DNAAF4: variants seen among roughly 807,000 people sequenced by gnomAD.
The protein encoded by DNAAF4 is dynein axonemal assembly factor 4, also known as dynein assembly factor 4, axonemal.
In DNAAF4, 43 loss-of-function variants were observed where a neutral mutation model predicts 51.8. The observed-to-expected ratio is 0.83, with a 90% CI of 0.65 to 1.07. DNAAF4 has a LOEUF of 1.07. DNAAF4 is among the 50% of genes least tolerant of loss of function. DNAAF4 has a pLI of 0.00. For synonymous variants in DNAAF4, 194 were observed against 165.6 expected (o/e 1.17, Z -1.32); for missense variants, 581 against 493.0 (o/e 1.18, Z -1.69).
At chr15:55,441,428 C>A (rs535305663) in intron 6 of DNAAF4, among the ~76,000 whole-genome samples, 1 of 151,364 alleles carries the variant, frequency 6.6e-6, no homozygotes, top group Non-Finnish European at 1.5e-5. Flanking sequence ...TTTTTTTTTA[C>A]TATACTTTAA....
chr15:55,442,942 A>C (rs2057737426), intron 6 of DNAAF4: 1 of 1,611,428 alleles, frequency 6.2e-7, no homozygotes, highest in African/African-American at 1.3e-5. Flanking sequence ...GACTCCTTGA[A>C]ATAAGCAAAC....
chr15:55,483,335 T>G lies in DNAAF4; in HGVS notation c.405+7788A>C, dbSNP rs190079055. 8.6e-4 allele frequency among the ~76,000 whole-genome samples: 130 copies of G among 151,788 alleles called. 5 individuals are homozygous for G. In the East Asian group the frequency reaches 0.024, roughly 28 times the overall value. ...TGGTCTCAAACTCTTGACCTTGTGA[T>G]CCGCCCCCCTCAGCCTCCCAAAGTG... On this transcript the variant is annotated intron_variant, in intron 4 of 9. Coordinates refer to ENST00000321149, the MANE Select transcript of DNAAF4 (RefSeq NM_130810.4).
chr15:55,488,871 G>A (rs186768252), intron 4 of DNAAF4, among the ~76,000 whole-genome samples: 15 of 152,222 alleles, frequency 9.9e-5, no homozygotes, highest in Non-Finnish European at 2.1e-4. Flanking sequence ...GGCAGATCAC[G>A]AGGTTAGGAG....
At chr15:55,465,564 C>CTTT (rs76254398) in intron 5 of DNAAF4, among the ~76,000 whole-genome samples, 3 of 131,596 alleles carry the variant, frequency 2.3e-5, no homozygotes, top group African/African-American at 8.4e-5. Flanking sequence ...TATGTTCTCA[C>CTTT]TTTTTTTTTT....
chr15:55,505,698 T>C (rs1051451044), intron 1 of DNAAF4, among the ~76,000 whole-genome samples: 1 of 149,990 alleles, frequency 6.7e-6, no homozygotes, highest in African/African-American at 2.5e-5. Flanking sequence ...TTCTCACTCG[T>C]AAGTGGGAGT....
At chr15:55,503,691 A>G (rs1212185859) in intron 1 of DNAAF4, among the ~76,000 whole-genome samples, 1 of 152,246 alleles carries the variant, frequency 6.6e-6, no homozygotes. Flanking sequence ...TCATCTGAAT[A>G]GATGCAGAAA....
intron 5 of DNAAF4, among the ~76,000 whole-genome samples, chr15:55,453,701 C>T (rs939766718): frequency 7.2e-5 from 11 of 151,762 alleles, no homozygotes; most frequent in African/African-American, 2.7e-4. Flanking sequence ...CAGGCACCCA[C>T]CACCACGTCC....
intron 8 of DNAAF4, 148 bp downstream of exon 8, chr15:55,434,757 G>T: frequency 1.3e-6 from 1 of 750,246 alleles, no homozygotes; most frequent in Non-Finnish European, 1.9e-6. Flanking sequence ...TAAAAAATCA[G>T]TTAAAAAAAA....
chr15:55,458,072 G>A (rs1216767719), intron 5 of DNAAF4, among the ~76,000 whole-genome samples: 1 of 152,160 alleles, frequency 6.6e-6, no homozygotes, highest in Non-Finnish European at 1.5e-5. Context: ...CACTGAAACA[G>A]TCTACTCAAA....
chr15:55,489,944 G>C (rs964462766), intron 4 of DNAAF4, among the ~76,000 whole-genome samples: 1 of 147,706 alleles, frequency 6.8e-6, no homozygotes, highest in African/African-American at 2.5e-5. Flanking sequence ...CGCAATCTCC[G>C]CTCACTGCAA....
At chr15:55,450,834 A>G in intron 5 of DNAAF4, among the ~76,000 whole-genome samples, 1 of 152,352 alleles carries the variant, frequency 6.6e-6, no homozygotes, top group African/African-American at 2.4e-5. Context: ...GCAGTGGCTC[A>G]TGTCTGTAAT....
chr15:55,419,838 T>C (rs954926475), intron 7 of DNAAF4, among the ~76,000 whole-genome samples: 13 of 151,876 alleles, frequency 8.6e-5, no homozygotes, highest in African/African-American at 3.1e-4. Context: ...CCATCTCAAC[T>C]AAGATACAAA....
At chr15:55,431,209 G>A (rs541068787) in intron 9 of DNAAF4, among the ~76,000 whole-genome samples, 41 of 151,624 alleles carry the variant, frequency 2.7e-4, no homozygotes, top group Admixed American at 6.6e-4. Flanking sequence ...CACCGTGCCC[G>A]GCCCCTAAAT....
intron 4 of DNAAF4, among the ~76,000 whole-genome samples, chr15:55,479,284 G>C (rs865907373): frequency 6.6e-5 from 10 of 151,948 alleles, no homozygotes; most frequent in African/African-American, 2.2e-4. Context: ...GGAGGGACTG[G>C]CTGGAGCCGC....
In DNAAF4 at chr15:55,474,273, C is replaced by T. The variant is rs565350098; in HGVS notation, c.406-7112G>A. On this transcript the variant is annotated intron_variant, in intron 4 of 9. Coordinates refer to ENST00000321149, the MANE Select transcript of DNAAF4 (RefSeq NM_130810.4). ...TCAACTAGCTGGGCGCGATGGCTCACGCCTATAATCTCAACACTTTGGGAG... is the reference window on the plus strand; with the variant it reads ...TCAACTAGCTGGGCGCGATGGCTCATGCCTATAATCTCAACACTTTGGGAG... Among the ~76,000 whole-genome samples the T allele has an allele frequency of 7.2e-5, 11 of 152,306 alleles. No homozygotes were observed. The East Asian group carries it at 1.5e-3, about 21-fold the overall frequency.
chr15:55,469,712 G>A (rs1033157869), intron 4 of DNAAF4, among the ~76,000 whole-genome samples: 6 of 151,248 alleles, frequency 4.0e-5, no homozygotes, highest in Non-Finnish European at 8.8e-5. Flanking sequence ...GGATGGTCTC[G>A]ATCTCCTGAC....
chr15:55,476,636 T>C (rs955220632), intron 4 of DNAAF4, among the ~76,000 whole-genome samples: 4 of 151,974 alleles, frequency 2.6e-5, no homozygotes, highest in Non-Finnish European at 4.4e-5. Context: ...GAAAGGAAAT[T>C]CTGACACAAG....
chr15:55,488,438 G>A (rs961000807), intron 4 of DNAAF4, among the ~76,000 whole-genome samples: 1 of 152,196 alleles, frequency 6.6e-6, no homozygotes, highest in African/African-American at 2.4e-5. Context: ...TTACTGGATC[G>A]TCAAAGTTCT....
chr15:55,433,527 G>A (rs1368664475), intron 8 of DNAAF4, among the ~76,000 whole-genome samples: 1 of 149,932 alleles, frequency 6.7e-6, no homozygotes, highest in Non-Finnish European at 1.5e-5. Context: ...TCCGGACGCT[G>A]AGGCAGGAGA....
Sources: gnomAD v4.1 joint callset for allele counts (sites outside exome capture counted in the v4.1 genomes callset) on GRCh38, gnomAD v4.1.1 for gene constraint, MANE v1.5 for transcripts, NCBI Gene and HGNC (gene_info 2026-07-23, HGNC 2026-07-21) for gene names.